PARP8: variants seen among roughly 807,000 people sequenced by gnomAD.
PARP8 encodes the protein protein mono-ADP-ribosyltransferase PARP8.
Under a neutral mutation model 124.1 loss-of-function variants are expected in PARP8, and 51 were observed. The observed-to-expected ratio is 0.41, with a 90% CI of 0.33 to 0.52. The LOEUF (loss-of-function observed/expected upper bound fraction) is 0.52, where lower values mean the gene tolerates loss of function less well. Ranked by LOEUF, PARP8 falls within the 20% of genes least tolerant of loss-of-function variation. The probability of loss-of-function intolerance (pLI) is 0.21; values close to 1 mark genes in which losing one functional copy is unlikely to be tolerated. For missense variants in PARP8, 860 were observed against 1,018.9 expected (o/e 0.84, Z 2.12); for synonymous variants, 391 against 361.5 (o/e 1.08, Z -0.93).
At chr5:50,833,593 T>G (rs1747235555) in intron 23 of PARP8, among the ~76,000 whole-genome samples, 1 of 151,796 alleles carries the variant, frequency 6.6e-6, no homozygotes, top group Non-Finnish European at 1.5e-5. Flanking sequence ...ATTAAAAAAA[T>G]GGGTTGGTTT....
At chr5:50,822,494 C>A (rs1238665230) in intron 17 of PARP8, 94 bp downstream of exon 17, 3 of 975,534 alleles carry the variant, frequency 3.1e-6, no homozygotes, top group Admixed American at 4.6e-5. Flanking sequence ...TAATACATAT[C>A]ATTTAAAAAT....
intron 15 of PARP8, among the ~76,000 whole-genome samples, chr5:50,818,542 T>G (rs1472165087): frequency 2.0e-5 from 3 of 152,070 alleles, no homozygotes; most frequent in African/African-American, 4.8e-5. Context: ...TCTTACATTT[T>G]TATTTTTATT....
At chr5:50,768,445 T>A (rs1761265404) in intron 7 of PARP8, among the ~76,000 whole-genome samples, 1 of 152,208 alleles carries the variant, frequency 6.6e-6, no homozygotes, top group Non-Finnish European at 1.5e-5. Flanking sequence ...GAATTTAATA[T>A]GTCACTACAT....
chr5:50,834,088 T>C, intron 24 of PARP8, 40 bp downstream of exon 24: 1 of 1,430,460 alleles, frequency 7.0e-7, no homozygotes. Context: ...TGTTAGTTCC[T>C]AGCTCATCTA....
At chr5:50,694,924 G>A (rs1221838340) in intron 2 of PARP8, among the ~76,000 whole-genome samples, 1 of 152,196 alleles carries the variant, frequency 6.6e-6, no homozygotes, top group African/African-American at 2.4e-5. Flanking sequence ...TAATGTTCTA[G>A]TCTGATGTTT....
chr5:50,790,649 C>T (rs1239189528), intron 10 of PARP8, among the ~76,000 whole-genome samples: 1 of 152,098 alleles, frequency 6.6e-6, no homozygotes, highest in African/African-American at 2.4e-5. Context: ...CCCTTAGTGG[C>T]TTCTGGGTAC....
chr5:50,814,545 G>C (rs1484367274), intron 14 of PARP8, among the ~76,000 whole-genome samples: 1 of 152,014 alleles, frequency 6.6e-6, no homozygotes, highest in African/African-American at 2.4e-5. Flanking sequence ...AAGTCAACCA[G>C]AAAGCTTTGT....
At chr5:50,761,228 A>G (rs1199061737) in intron 5 of PARP8, among the ~76,000 whole-genome samples, 2 of 152,080 alleles carry the variant, frequency 1.3e-5, no homozygotes, top group Admixed American at 1.3e-4. Context: ...TGTACTTCAG[A>G]CACATGGCAG....
At chr5:50,841,537 G>A (rs1157163084) in intron 25 of PARP8, among the ~76,000 whole-genome samples, 1 of 151,802 alleles carries the variant, frequency 6.6e-6, no homozygotes, top group Admixed American at 6.6e-5. Context: ...AAGAAGCAGT[G>A]GTAGAAAGTG....
intron 2 of PARP8, among the ~76,000 whole-genome samples, chr5:50,689,602 A>T (rs185138123): frequency 6.6e-6 from 1 of 152,216 alleles, no homozygotes; most frequent in Non-Finnish European, 1.5e-5. Context: ...CACATTAGTC[A>T]TGTATACCTG....
rs532184042 is a variant in PARP8 at position 50,827,884 on chromosome 5, A to G, written c.1978-60A>G. ...TAAACCAATAAAATTTGAAATTGTC[A>G]TCAGCCTGAATATATGTTAAGTTTT... On this transcript the variant is annotated intron_variant, in intron 19 of 25. Coordinates refer to ENST00000281631, the MANE Select transcript of PARP8 (RefSeq NM_024615.4). The G allele has an allele frequency of 1.7e-4, 208 of 1,230,242 alleles. 2 individuals are homozygous for G. The South Asian group carries it at 2.5e-3, about 15-fold the overall frequency. 76.2% of individuals were successfully genotyped at this position (1,230,242 alleles called of 1,614,324 possible).
chr5:50,703,660 C>T (rs1753823508), intron 2 of PARP8, among the ~76,000 whole-genome samples: 1 of 152,058 alleles, frequency 6.6e-6, no homozygotes, highest in Non-Finnish European at 1.5e-5. Context: ...TTAATAAAAC[C>T]CACTTTCCAG....
At position 50,731,994 on chromosome 5, in the gene PARP8, A is replaced by G. The variant is rs1174602947; in HGVS notation, c.147-18157A>G. Among the ~76,000 whole-genome samples, 4 of 152,332 alleles carry G rather than the reference A, an allele frequency of 2.6e-5. No individual in the cohort carries two copies. The East Asian group carries it at 7.7e-4, about 29-fold the overall frequency. ...ATTGTTTTTAATGACACGGTTTCTT[A>G]CTGAGGGTTTTGTGTAAAATATGCC... On this transcript the variant is annotated intron_variant, in intron 2 of 25. Transcript: ENST00000281631.
At chr5:50,745,880 T>G (rs912304812) in intron 2 of PARP8, among the ~76,000 whole-genome samples, 2 of 152,192 alleles carry the variant, frequency 1.3e-5, no homozygotes, top group Admixed American at 1.3e-4. Context: ...GGGGTCATAG[T>G]GTACATTTCC....
intron 9 of PARP8, among the ~76,000 whole-genome samples, 191 bp downstream of exon 9, chr5:50,778,841 T>G (rs1157782241): frequency 6.6e-6 from 1 of 152,106 alleles, no homozygotes; most frequent in African/African-American, 2.4e-5. Context: ...AAACGTAAGA[T>G]TTCATTTTAT....
chr5:50,828,664 G>T (rs1258591197), intron 21 of PARP8, among the ~76,000 whole-genome samples: 1 of 152,020 alleles, frequency 6.6e-6, no homozygotes, highest in African/African-American at 2.4e-5. Flanking sequence ...CAGATCGCTT[G>T]AGGCCAGGAG....
intron 2 of PARP8, among the ~76,000 whole-genome samples, chr5:50,740,959 T>A (rs896074977): frequency 6.6e-6 from 1 of 152,202 alleles, no homozygotes; most frequent in Non-Finnish European, 1.5e-5. Context: ...TAGTGTTTGT[T>A]CCCTTTCCAT....
rs376102995 is a variant in PARP8, at chr5:50,686,085, C to T, written c.146+17960C>T. ...CTCATTTCAGCATTAACTCAAAAGTCCAGTCCAAAGTCTCATCCAAGACAT... is the reference window on the plus strand; with the variant it reads ...CTCATTTCAGCATTAACTCAAAAGTTCAGTCCAAAGTCTCATCCAAGACAT... On this transcript the variant is annotated intron_variant, in intron 2 of 25. Transcript: ENST00000281631. Among the ~76,000 whole-genome samples the T allele has an allele frequency of 2.0e-4, 30 of 152,328 alleles. 1 individual carries two copies. In the East Asian group the frequency reaches 4.8e-3, roughly 25 times the overall value.
chr5:50,700,111 G>A (rs1753437827), intron 2 of PARP8, among the ~76,000 whole-genome samples: 1 of 152,098 alleles, frequency 6.6e-6, no homozygotes, highest in South Asian at 2.1e-4. Flanking sequence ...CAAGAAAATA[G>A]TGGGATTTAA....
Sources: allele counts gnomAD v4.1 joint callset (sites outside exome capture counted in the v4.1 genomes callset), GRCh38; gene constraint gnomAD v4.1.1; transcripts MANE v1.5; gene names NCBI Gene and HGNC (gene_info 2026-07-23, HGNC 2026-07-21).